CDH9: variants seen among roughly 807,000 people sequenced by gnomAD.
CDH9 encodes cadherin-9.
Under a neutral mutation model 70.9 loss-of-function variants are expected in CDH9, and 28 were observed. That is an observed-to-expected ratio of 0.40 (90% confidence interval 0.29 to 0.54). CDH9 has a LOEUF of 0.54. Ranked by LOEUF, CDH9 falls within the 20% of genes least tolerant of loss-of-function variation. CDH9 has a pLI of 0.59. For missense variants in CDH9, 874 were observed against 984.4 expected, an observed-to-expected ratio of 0.89 and a Z score of 1.50; for synonymous variants, 409 against 343.1, an observed-to-expected ratio of 1.19 and a Z score of -2.12.
At chr5:26,891,632 G>A (rs1479834556) in intron 7 of CDH9, among the ~76,000 whole-genome samples, 1 of 151,720 alleles carries the variant, frequency 6.6e-6, no homozygotes, top group Non-Finnish European at 1.5e-5. Flanking sequence ...GAGCCGAGAT[G>A]GCACCACTGC....
At chr5:27,022,092 A>G (rs1162206485) in intron 1 of CDH9, among the ~76,000 whole-genome samples, 1 of 151,994 alleles carries the variant, frequency 6.6e-6, no homozygotes, top group Non-Finnish European at 1.5e-5. Context: ...ACTATAGATA[A>G]AACACGGTTA....
intron 2 of CDH9, among the ~76,000 whole-genome samples, chr5:26,924,894 T>C (rs967569092): frequency 3.9e-5 from 6 of 152,148 alleles, no homozygotes; most frequent in African/African-American, 1.4e-4. Flanking sequence ...ACATTTTTTA[T>C]GGCTGCATAA....
Position 26,988,523 on chromosome 5 carries a change from G to T in CDH9, c.-49-141C>A, listed in dbSNP as rs3811918. 8.1e-6 allele frequency: 5 copies of T among 616,184 alleles called. No individual in the cohort carries two copies. The East Asian group carries it at 1.8e-4, about 22-fold the overall frequency. 38.2% of individuals were successfully genotyped at this position (616,184 alleles called of 1,614,324 possible). On this transcript the variant is annotated intron_variant, in intron 1 of 11. Coordinates refer to ENST00000231021, the MANE Select transcript of CDH9 (RefSeq NM_016279.4). Reference sequence around the variant, plus strand: ...ACATTATATTTCTATATCAGTGAACGGTCATGAAAAACTCATTTATCACAT... The same window carrying T: ...ACATTATATTTCTATATCAGTGAACTGTCATGAAAAACTCATTTATCACAT...
rs575163102 is a variant in CDH9 at position 26,997,792 on chromosome 5, TG to T, written c.-49-9411del. The stretch of plus-strand genomic sequence containing the variant: ...TCGGCTCACCACAACCTCTGCCTCC[TG>T]GGTTCAAGCGATCCTCCTGCCTCAG... On this transcript the variant is annotated intron_variant, in intron 1 of 11. Transcript: ENST00000231021. Among the ~76,000 whole-genome samples, 633 of 149,908 alleles carry T rather than the reference TG, an allele frequency of 4.2e-3. 2 individuals are homozygous for T. Among genetic ancestry groups the T allele is most frequent in the Admixed American group, 6.7e-3 (102 of 15,126 alleles).
chr5:26,965,782 T>C (rs1742119338), intron 2 of CDH9, among the ~76,000 whole-genome samples: 1 of 151,950 alleles, frequency 6.6e-6, no homozygotes, highest in African/African-American at 2.4e-5. Context: ...ATTACTTTGG[T>C]CCGTTTTTGC....
intron 3 of CDH9, among the ~76,000 whole-genome samples, chr5:26,908,758 C>T (rs928542288): frequency 2.0e-5 from 3 of 152,258 alleles, no homozygotes; most frequent in Non-Finnish European, 2.9e-5. Flanking sequence ...TAAAAGCACA[C>T]ATAAAATACT....
At chr5:27,026,217 G>A (rs181322227) in intron 1 of CDH9, among the ~76,000 whole-genome samples, 408 of 152,102 alleles carry the variant, frequency 2.7e-3, no homozygotes, top group Non-Finnish European at 4.4e-3. Context: ...GAAATGGAAA[G>A]TGTCCAGTTC....
At chr5:27,013,225 C>T (rs1378145488) in intron 1 of CDH9, among the ~76,000 whole-genome samples, 4 of 151,916 alleles carry the variant, frequency 2.6e-5, no homozygotes, top group African/African-American at 4.8e-5. Context: ...TAACTAGGAA[C>T]TTTAAGGCAC....
At chr5:27,018,934 T>C (rs930329263) in intron 1 of CDH9, among the ~76,000 whole-genome samples, 8 of 152,020 alleles carry the variant, frequency 5.3e-5, no homozygotes, top group Non-Finnish European at 1.2e-4. Flanking sequence ...AGGCTTTGTG[T>C]TCCCTACATC....
At chr5:26,915,992 G>C in intron 2 of CDH9, 68 bp from the exon 3 acceptor site, 1 of 1,132,922 alleles carries the variant, frequency 8.8e-7, no homozygotes, top group South Asian at 1.5e-5. Context: ...CATAATTTTG[G>C]CGCTATCAAT....
chr5:27,017,584 T>C (rs1743067093), intron 1 of CDH9, among the ~76,000 whole-genome samples: 1 of 151,772 alleles, frequency 6.6e-6, no homozygotes, highest in South Asian at 2.1e-4. Context: ...AGTGTTTGTG[T>C]TTGTTTGTTT....
intron 2 of CDH9, among the ~76,000 whole-genome samples, chr5:26,943,957 A>G (rs1561203568): frequency 6.6e-6 from 1 of 152,216 alleles, no homozygotes. Flanking sequence ...TTTACATTAA[A>G]TTCAGCCTAT....
chr5:27,024,653 C>T (rs1743192279), intron 1 of CDH9, among the ~76,000 whole-genome samples: 1 of 152,080 alleles, frequency 6.6e-6, no homozygotes, highest in African/African-American at 2.4e-5. Flanking sequence ...TGCATTACCA[C>T]AGTCATTAAC....
intron 1 of CDH9, among the ~76,000 whole-genome samples, chr5:27,030,789 A>T (rs1183494941): frequency 7.7e-6 from 1 of 129,502 alleles, no homozygotes; most frequent in Non-Finnish European, 1.7e-5. Context: ...CAAAGATTAT[A>T]TTTAAAGGAG....
chr5:26,885,170 A>G (rs1043450392), intron 11 of CDH9, among the ~76,000 whole-genome samples: 7 of 152,166 alleles, frequency 4.6e-5, no homozygotes, highest in African/African-American at 1.4e-4. Context: ...AATAATAGAA[A>G]GGAGAACTCT....
At chr5:26,905,936 G>A (rs1740938778) in intron 5 of CDH9, 23 bp downstream of exon 5, 2 of 1,594,888 alleles carry the variant, frequency 1.3e-6, no homozygotes, top group African/African-American at 1.3e-5. Flanking sequence ...TTTTGGACAT[G>A]AGATCACTGA....
intron 2 of CDH9, among the ~76,000 whole-genome samples, chr5:26,928,149 T>C (rs1250773937): frequency 6.6e-6 from 1 of 151,988 alleles, no homozygotes. Context: ...TTCAGTAAAA[T>C]TGCAGGATAC....
chr5:26,947,393 C>G (rs911406886), intron 2 of CDH9, among the ~76,000 whole-genome samples: 1 of 152,160 alleles, frequency 6.6e-6, no homozygotes, highest in African/African-American at 2.4e-5. Context: ...CCACAAGACT[C>G]TTATAATCCA....
chr5:26,889,053 T>C (rs1406225161), intron 9 of CDH9, among the ~76,000 whole-genome samples: 1 of 152,156 alleles, frequency 6.6e-6, no homozygotes, highest in Non-Finnish European at 1.5e-5. Context: ...GTTCATAATA[T>C]TCTCTATTGG....
Sources: allele counts gnomAD v4.1 joint callset (sites outside exome capture counted in the v4.1 genomes callset), GRCh38; gene constraint gnomAD v4.1.1; transcripts MANE v1.5; gene names NCBI Gene and HGNC (gene_info 2026-07-23, HGNC 2026-07-21).